RABGAP1: variants seen among roughly 807,000 people sequenced by gnomAD.
The protein encoded by RABGAP1 is RAB GTPase activating protein 1, also known as rab GTPase-activating protein 1.
Under a neutral mutation model 137.6 loss-of-function variants are expected in RABGAP1, and 23 were observed. That is an observed-to-expected ratio of 0.17 (90% confidence interval 0.12 to 0.24). The LOEUF (loss-of-function observed/expected upper bound fraction) is 0.24. RABGAP1 is among the 10% of genes least tolerant of loss of function. RABGAP1 has a pLI of 1.00. For missense variants in RABGAP1, 906 were observed against 1,275.8 expected (o/e 0.71, Z 4.42); for synonymous variants, 451 against 450.7 (o/e 1.00, Z -0.01).
intron 2 of RABGAP1, among the ~76,000 whole-genome samples, chr9:122,971,423 A>G (rs1835467985): frequency 6.6e-6 from 1 of 152,212 alleles, no homozygotes. Flanking sequence ...AAAGCAGAGC[A>G]CACAATCCAA....
intron 10 of RABGAP1, among the ~76,000 whole-genome samples, chr9:122,999,116 CT>C (rs969034470): frequency 1.5e-4 from 22 of 150,888 alleles, no homozygotes; most frequent in Non-Finnish European, 2.7e-4. Flanking sequence ...TTCTGGTTGC[CT>C]TTTTTTTTCT....
At chr9:123,025,972 G>A (rs993420798) in intron 13 of RABGAP1, among the ~76,000 whole-genome samples, 11 of 146,428 alleles carry the variant, frequency 7.5e-5, no homozygotes, top group African/African-American at 2.8e-4. Context: ...AATTAAAATG[G>A]TTTTAGTTTT....
chr9:123,102,992 C>T, intron 25 of RABGAP1, 99 bp from the exon 26 acceptor site: 1 of 1,444,032 alleles, frequency 6.9e-7, no homozygotes, highest in East Asian at 2.6e-5. Context: ...GAGGCCTCTC[C>T]AGAGTAAATA....
chr9:123,007,073 AT>A (rs1216812440), intron 10 of RABGAP1, among the ~76,000 whole-genome samples: 2 of 122,272 alleles, frequency 1.6e-5, no homozygotes, highest in African/African-American at 6.2e-5. Context: ...GGTGTTTTTC[AT>A]TTGTTTGTGG....
rs184313063 is a variant in RABGAP1, at chr9:123,021,083, A to G, written c.1794+624A>G. Among the ~76,000 whole-genome samples the G allele has an allele frequency of 4.5e-3, 685 of 152,178 alleles. 6 individuals are homozygous for G. The highest frequency in any genetic ancestry group is 7.0e-3 in the Non-Finnish European group (475 of 67,986). On this transcript the variant is annotated intron_variant, in intron 13 of 25. Coordinates refer to ENST00000373647, the MANE Select transcript of RABGAP1 (RefSeq NM_012197.4). ...GTTCATGTTTTCGGTTTTAGTTTTA[A>G]TTTTCTCAAATTCTTGAAGTGTTTA... is the stretch of plus-strand genomic sequence containing the variant.
At chr9:123,101,161 A>G (rs1330767596) in intron 24 of RABGAP1, among the ~76,000 whole-genome samples, 1 of 152,250 alleles carries the variant, frequency 6.6e-6, no homozygotes, top group Non-Finnish European at 1.5e-5. Flanking sequence ...AAGTTCCTCA[A>G]AAACCTTTTA....
intron 2 of RABGAP1, among the ~76,000 whole-genome samples, chr9:122,981,245 C>G (rs1053953759): frequency 2.0e-5 from 3 of 152,022 alleles, no homozygotes; most frequent in African/African-American, 7.2e-5. Flanking sequence ...AGGCTGGTCT[C>G]GAACTCCTGG....
intron 13 of RABGAP1, among the ~76,000 whole-genome samples, chr9:123,039,539 C>T (rs1471768759): frequency 6.6e-6 from 1 of 152,136 alleles, no homozygotes; most frequent in African/African-American, 2.4e-5. Context: ...AAGCAACCTT[C>T]CATTTGGTCT....
At chr9:123,048,338 T>G (rs2033312133) in intron 13 of RABGAP1, among the ~76,000 whole-genome samples, 1 of 152,210 alleles carries the variant, frequency 6.6e-6, no homozygotes, top group South Asian at 2.1e-4. Context: ...AACTGAGTAT[T>G]TGTTAGCATT....
At chr9:122,992,749 T>G (rs1248304426) in intron 6 of RABGAP1, among the ~76,000 whole-genome samples, 1 of 148,472 alleles carries the variant, frequency 6.7e-6, no homozygotes, top group Non-Finnish European at 1.5e-5. Flanking sequence ...GTAATAGTTA[T>G]ATACCTATTA....
At chr9:122,933,661 C>A in the RABGAP1 span, among the ~76,000 whole-genome samples, 1 of 151,970 alleles carries the variant, frequency 6.6e-6, no homozygotes, top group Non-Finnish European at 1.5e-5. Context: ...GAGTCTTGCT[C>A]TGTCGCCCAG....
intron 15 of RABGAP1, among the ~76,000 whole-genome samples, chr9:123,073,214 CA>C (rs1389126587): frequency 1.3e-5 from 2 of 152,170 alleles, no homozygotes; most frequent in East Asian, 3.9e-4. Context: ...GTCCTTTCTA[CA>C]AAGTCTGTTT....
chr9:123,053,292 G>A (rs2033564808), intron 13 of RABGAP1, among the ~76,000 whole-genome samples: 1 of 152,092 alleles, frequency 6.6e-6, no homozygotes, highest in Non-Finnish European at 1.5e-5. Context: ...GTTTTCATAG[G>A]CTTAACAGTC....
chr9:123,046,571 T>C (rs1386493375), intron 13 of RABGAP1, among the ~76,000 whole-genome samples: 1 of 152,212 alleles, frequency 6.6e-6, no homozygotes, highest in African/African-American at 2.4e-5. Context: ...TCTTAACTAA[T>C]GACACTGTCT....
intron 13 of RABGAP1, among the ~76,000 whole-genome samples, chr9:123,056,498 T>A (rs1044180827): frequency 3.3e-5 from 5 of 149,688 alleles, no homozygotes; most frequent in African/African-American, 9.8e-5. Flanking sequence ...TTTTTTTTTT[T>A]AATTGATCAT....
chr9:122,943,728 C>T (rs530324476), intron 1 of RABGAP1, among the ~76,000 whole-genome samples: 10 of 152,178 alleles, frequency 6.6e-5, no homozygotes, highest in African/African-American at 2.2e-4. Flanking sequence ...CCAAGGCAGG[C>T]GGATAACAAG....
chr9:122,946,867 C>G (rs2131588171), intron 1 of RABGAP1, among the ~76,000 whole-genome samples: 1 of 152,270 alleles, frequency 6.6e-6, no homozygotes, highest in South Asian at 2.1e-4. Context: ...TTCATCCCTA[C>G]TTGTTACCTC....
intron 13 of RABGAP1, chr9:123,035,630 C>T (rs367580153): frequency 8.0e-5 from 115 of 1,446,282 alleles, no homozygotes; most frequent in Non-Finnish European, 7.0e-5. Flanking sequence ...GGCTCAGTTA[C>T]GGGGTTCCCG....
intron 11 of RABGAP1, 117 bp downstream of exon 11, chr9:123,010,645 C>A: frequency 1.0e-6 from 1 of 984,632 alleles, no homozygotes; most frequent in African/African-American, 1.6e-5. Context: ...TAATGAATTC[C>A]TTATGAGAGT....
Sources: gnomAD v4.1 joint callset for allele counts (sites outside exome capture counted in the v4.1 genomes callset) on GRCh38, gnomAD v4.1.1 for gene constraint, MANE v1.5 for transcripts, NCBI Gene and HGNC (gene_info 2026-07-23, HGNC 2026-07-21) for gene names.